DLGAP1: variants seen among roughly 807,000 people sequenced by gnomAD.
DLGAP1 encodes the protein disks large-associated protein 1.
A neutral mutation model predicts 90.8 loss-of-function variants in DLGAP1; 11 were observed. That is an observed-to-expected ratio of 0.12 (90% confidence interval 0.08 to 0.20). The LOEUF (loss-of-function observed/expected upper bound fraction) is 0.20, where lower values mean the gene tolerates loss of function less well. Among genes scored for constraint, DLGAP1 ranks in the 10% least tolerant of loss-of-function variants. DLGAP1 has a pLI of 1.00. For synonymous variants in DLGAP1, 558 were observed against 540.7 expected (o/e 1.03, Z -0.44); for missense variants, 1,050 against 1,333.8 (o/e 0.79, Z 3.31).
intron 2 of DLGAP1, among the ~76,000 whole-genome samples, chr18:4,010,789 C>A (rs868723691): frequency 1.3e-5 from 2 of 151,930 alleles, no homozygotes; most frequent in Non-Finnish European, 2.9e-5. Context: ...CCCTTATTCT[C>A]ATTAATGAAT....
chr18:3,496,083 A>T lies in DLGAP1; in HGVS notation c.*3102T>A, dbSNP rs1290312717. 1.3e-5 allele frequency: 2 copies of T among 152,234 alleles called. No homozygotes were observed. Among genetic ancestry groups the T allele is most frequent in the African/African-American group, 4.8e-5 (2 of 41,468 alleles). The allele number at this position is 152,234 out of a possible 1,614,324, so 9.4% of individuals were successfully genotyped here. On this transcript the variant is annotated 3_prime_UTR_variant, in exon 13 of 13. Coordinates refer to ENST00000315677, the MANE Select transcript of DLGAP1 (RefSeq NM_004746.4). The stretch of plus-strand genomic sequence containing the variant: ...TTCTTCTTTTTACATTATGGGAAAC[A>T]TTCATCTATTTACAATATTTTTTTG...
chr18:3,863,272 T>A (rs917794735), intron 4 of DLGAP1, among the ~76,000 whole-genome samples: 2 of 152,202 alleles, frequency 1.3e-5, no homozygotes, highest in Non-Finnish European at 2.9e-5. Flanking sequence ...TAGGGCTCAT[T>A]TGCCCTCATT....
chr18:4,218,457 T>C (rs890394165), intron 1 of DLGAP1, among the ~76,000 whole-genome samples: 3 of 152,032 alleles, frequency 2.0e-5, no homozygotes, highest in Non-Finnish European at 2.9e-5. Flanking sequence ...TAACTTATCT[T>C]TTTTTGTGAT....
intron 7 of DLGAP1, among the ~76,000 whole-genome samples, chr18:3,614,574 G>A (rs943042991): frequency 6.6e-6 from 1 of 150,846 alleles, no homozygotes; most frequent in Non-Finnish European, 1.5e-5. Context: ...TAGATTTTAA[G>A]AATTACTGGA....
intron 9 of DLGAP1, among the ~76,000 whole-genome samples, chr18:3,542,819 T>G (rs2052768658): frequency 6.6e-6 from 1 of 152,078 alleles, no homozygotes; most frequent in South Asian, 2.1e-4. Flanking sequence ...CGTAGCCGAG[T>G]TGGAATGGAG....
chr18:3,928,634 C>G (rs1454281348), intron 3 of DLGAP1, among the ~76,000 whole-genome samples: 1 of 152,066 alleles, frequency 6.6e-6, no homozygotes, highest in East Asian at 1.9e-4. Context: ...CAATCACCCC[C>G]CAATTTATAG....
At chr18:4,201,184 A>G (rs1261217058) in intron 1 of DLGAP1, among the ~76,000 whole-genome samples, 1 of 151,936 alleles carries the variant, frequency 6.6e-6, no homozygotes, top group African/African-American at 2.4e-5. Flanking sequence ...CTTTTGAGGC[A>G]TTTGCTTTTG....
At chr18:3,694,059 C>G (rs1048540660) in intron 7 of DLGAP1, among the ~76,000 whole-genome samples, 1 of 150,980 alleles carries the variant, frequency 6.6e-6, no homozygotes, top group African/African-American at 2.4e-5. Context: ...CCCAACAGGC[C>G]CCAGAGTGTG....
chr18:4,105,490 T>C (rs4798168), intron 2 of DLGAP1, among the ~76,000 whole-genome samples: 67,879 of 152,082 alleles, frequency 0.45, 16,399 homozygotes, highest in African/African-American at 0.65. Flanking sequence ...ACATTACTTC[T>C]GATATTTTTA....
intron 5 of DLGAP1, among the ~76,000 whole-genome samples, chr18:3,748,871 T>C (rs2147782667): frequency 6.6e-6 from 1 of 152,358 alleles, no homozygotes; most frequent in South Asian, 2.1e-4. Flanking sequence ...TTACCTATAA[T>C]GGCTTTATAA....
In DLGAP1 at chr18:3,887,040, G is replaced by A. The variant is rs576961743; in HGVS notation, c.-72-6900C>T. On this transcript the variant is annotated intron_variant, in intron 3 of 12. Coordinates refer to ENST00000315677, the MANE Select transcript of DLGAP1 (RefSeq NM_004746.4). ...CCCTGGATGTGCACCTCTGCATTTTGTTTAGTCGAGAGAAAAATAGACCTT... is the reference window on the plus strand; with the variant it reads ...CCCTGGATGTGCACCTCTGCATTTTATTTAGTCGAGAGAAAAATAGACCTT... Among the ~76,000 whole-genome samples, 47 of 152,290 alleles carry A rather than the reference G, an allele frequency of 3.1e-4. 1 individual carries two copies. In the South Asian group the frequency reaches 9.1e-3, roughly 30 times the overall value.
chr18:4,268,541 T>C (rs551312571), intron 1 of DLGAP1, among the ~76,000 whole-genome samples: 65 of 152,280 alleles, frequency 4.3e-4, no homozygotes, highest in Middle Eastern at 3.4e-3. Context: ...TAGTACCAGA[T>C]TAATTTTCTA....
intron 4 of DLGAP1, among the ~76,000 whole-genome samples, chr18:3,858,746 T>C (rs1299707692): frequency 6.6e-6 from 1 of 152,082 alleles, no homozygotes; most frequent in Non-Finnish European, 1.5e-5. Context: ...ACTAAAAAAT[T>C]GTCTGGCATG....
intron 11 of DLGAP1, among the ~76,000 whole-genome samples, chr18:3,507,675 C>T (rs1369362347): frequency 6.9e-6 from 1 of 145,762 alleles, no homozygotes; most frequent in Non-Finnish European, 1.5e-5. Context: ...AATTGCTTTT[C>T]ATTTTCTTTG....
rs1324335652 is a variant in DLGAP1 at position 3,654,494 on chromosome 18, A to G, written c.1592-72246T>C. 2.0e-5 allele frequency among the ~76,000 whole-genome samples: 3 copies of G among 152,210 alleles called. No individual in the cohort carries two copies. The East Asian group carries it at 5.8e-4, about 29-fold the overall frequency. On this transcript the variant is annotated intron_variant, in intron 7 of 12. Transcript: ENST00000315677. ...CTTTTGTTGGCAAGTGGAATACTGCACTCAAACCAAGCAGGCAATGTAAAA... is the reference window on the plus strand; with the variant it reads ...CTTTTGTTGGCAAGTGGAATACTGCGCTCAAACCAAGCAGGCAATGTAAAA...
At chr18:3,632,880 T>A (rs2058574916) in intron 7 of DLGAP1, among the ~76,000 whole-genome samples, 1 of 152,200 alleles carries the variant, frequency 6.6e-6, no homozygotes, top group Non-Finnish European at 1.5e-5. Context: ...CAACTTCTCA[T>A]GAATGGATAA....
chr18:3,558,615 A>G (rs1248441668), intron 9 of DLGAP1, among the ~76,000 whole-genome samples: 1 of 152,114 alleles, frequency 6.6e-6, no homozygotes, highest in African/African-American at 2.4e-5. Flanking sequence ...TGACCCCTTT[A>G]TCATCATCTT....
At chr18:4,027,548 T>C (rs1169943008) in intron 2 of DLGAP1, among the ~76,000 whole-genome samples, 4 of 136,474 alleles carry the variant, frequency 2.9e-5, no homozygotes, top group African/African-American at 1.1e-4. Flanking sequence ...AATAATGATA[T>C]GCTCTAGTGA....
chr18:4,370,941 T>C (rs2081902519), intron 1 of DLGAP1, among the ~76,000 whole-genome samples: 1 of 149,342 alleles, frequency 6.7e-6, no homozygotes, highest in Admixed American at 6.7e-5. Context: ...GGGAAGTACA[T>C]ACCTCTCCTA....
Sources: allele counts gnomAD v4.1 joint callset (sites outside exome capture counted in the v4.1 genomes callset), GRCh38; gene constraint gnomAD v4.1.1; transcripts MANE v1.5; gene names NCBI Gene and HGNC (gene_info 2026-07-23, HGNC 2026-07-21).